The following KCNIP4 variants were observed in gnomAD, a reference collection of about 807,000 sequenced individuals.
KCNIP4 encodes the protein Kv channel-interacting protein 4.
KCNIP4 carries 12 observed loss-of-function variants against 34.0 expected under a neutral mutation model. The observed-to-expected ratio is 0.35, with a 90% CI of 0.23 to 0.57. The LOEUF is 0.57. Ranked by LOEUF, KCNIP4 falls within the 20% of genes least tolerant of loss-of-function variation. KCNIP4 has a pLI of 0.83. For synonymous variants in KCNIP4, 124 were observed against 102.2 expected (o/e 1.21, Z -1.29); for missense variants, 238 against 311.7 (o/e 0.76, Z 1.78).
At chr4:21,109,730 A>G (rs1321263715) in intron 1 of KCNIP4, among the ~76,000 whole-genome samples, 2 of 152,110 alleles carry the variant, frequency 1.3e-5, no homozygotes, top group Non-Finnish European at 2.9e-5. Context: ...AGCTGTTCCT[A>G]TTTGGCCATC....
At chr4:21,432,851 C>G (rs1380284731) in intron 1 of KCNIP4, among the ~76,000 whole-genome samples, 2 of 152,044 alleles carry the variant, frequency 1.3e-5, no homozygotes, top group Admixed American at 1.3e-4. Flanking sequence ...ATAGTTGAAC[C>G]ACAGTTATAA....
chr4:20,868,807 G>C (rs1043168901), intron 2 of KCNIP4, among the ~76,000 whole-genome samples: 72 of 152,196 alleles, frequency 4.7e-4, no homozygotes, highest in African/African-American at 1.6e-3. Flanking sequence ...AAATAAATAT[G>C]GGAACAGTAG....
At chr4:20,933,304 G>A (rs2149605055) in intron 1 of KCNIP4, among the ~76,000 whole-genome samples, 1 of 152,174 alleles carries the variant, frequency 6.6e-6, no homozygotes, top group South Asian at 2.1e-4. Flanking sequence ...TTGTACCAGT[G>A]TTTATGAAAT....
At chr4:21,405,446 A>T (rs1723901301) in intron 1 of KCNIP4, among the ~76,000 whole-genome samples, 1 of 152,182 alleles carries the variant, frequency 6.6e-6, no homozygotes, top group Non-Finnish European at 1.5e-5. Flanking sequence ...CCTCTCAAAC[A>T]CGTCAGCAGG....
At chr4:21,800,729 A>C (rs959098795) in intron 1 of KCNIP4, among the ~76,000 whole-genome samples, 1 of 152,198 alleles carries the variant, frequency 6.6e-6, no homozygotes, top group South Asian at 2.1e-4. Context: ...GGAAAATCCA[A>C]TACTACTTAC....
intron 1 of KCNIP4, among the ~76,000 whole-genome samples, chr4:21,411,242 G>A (rs1319689093): frequency 2.0e-5 from 3 of 152,132 alleles, no homozygotes; most frequent in Non-Finnish European, 4.4e-5. Context: ...GAACTTTGAT[G>A]TAATTGTCAA....
At chr4:20,988,171 C>A (rs922508331) in intron 1 of KCNIP4, among the ~76,000 whole-genome samples, 3 of 151,994 alleles carry the variant, frequency 2.0e-5, no homozygotes, top group Admixed American at 1.3e-4. Context: ...TGGGTATACT[C>A]GGTACCAGGT....
intron 3 of KCNIP4, among the ~76,000 whole-genome samples, chr4:20,778,299 C>T (rs1407265064): frequency 6.6e-6 from 1 of 152,130 alleles, no homozygotes; most frequent in African/African-American, 2.4e-5. Flanking sequence ...AGTATACTTA[C>T]CCCATAGAGT....
intron 1 of KCNIP4, among the ~76,000 whole-genome samples, chr4:21,129,138 G>A (rs1354527315): frequency 2.0e-5 from 3 of 152,170 alleles, no homozygotes; most frequent in Non-Finnish European, 4.4e-5. Flanking sequence ...AGATCTCATG[G>A]TTTTATAAAT....
chr4:21,422,421 C>T (rs1725557661), intron 1 of KCNIP4, among the ~76,000 whole-genome samples: 1 of 151,920 alleles, frequency 6.6e-6, no homozygotes, highest in Non-Finnish European at 1.5e-5. Context: ...GGCTGGTCTC[C>T]AACTCCTGAC....
At chr4:21,579,330 G>C (rs1053280951) in intron 1 of KCNIP4, among the ~76,000 whole-genome samples, 1 of 152,136 alleles carries the variant, frequency 6.6e-6, no homozygotes, top group Non-Finnish European at 1.5e-5. Context: ...TAAAACTACT[G>C]TGGGGAAAAG....
At chr4:21,569,800 AAAAG>A (rs1740222872) in intron 1 of KCNIP4, among the ~76,000 whole-genome samples, 1 of 152,074 alleles carries the variant, frequency 6.6e-6, no homozygotes, top group Non-Finnish European at 1.5e-5. Flanking sequence ...AGGGGAGAAA[AAAAG>A]AAAGAATGAA....
chr4:21,037,543 C>T (rs982027215), intron 1 of KCNIP4, among the ~76,000 whole-genome samples: 22 of 152,256 alleles, frequency 1.4e-4, no homozygotes, highest in African/African-American at 5.3e-4. Context: ...AGGCTACACC[C>T]TCTAGGTTTG....
chr4:20,744,770 TAATAAAAATATAA>T (rs1752047169), intron 5 of KCNIP4, among the ~76,000 whole-genome samples: 1 of 151,920 alleles, frequency 6.6e-6, no homozygotes, highest in South Asian at 2.1e-4. Flanking sequence ...AGAATAATAA[TAATAAAAATATAA>T]AATAAAAATA....
intron 1 of KCNIP4, chr4:21,582,179 G>C (rs183652573): frequency 4.1e-4 from 62 of 150,856 alleles, no homozygotes; most frequent in African/African-American, 1.5e-3. Flanking sequence ...ATGTGTGTGT[G>C]CTGTACTATA....
intron 1 of KCNIP4, among the ~76,000 whole-genome samples, chr4:21,645,232 C>T (rs1462855302): frequency 1.3e-5 from 2 of 152,026 alleles, no homozygotes; most frequent in Non-Finnish European, 2.9e-5. Flanking sequence ...ATTATTTCTC[C>T]TATGTTATAG....
At chr4:21,051,755 A>G (rs1344981159) in intron 1 of KCNIP4, among the ~76,000 whole-genome samples, 1 of 152,218 alleles carries the variant, frequency 6.6e-6, no homozygotes, top group African/African-American at 2.4e-5. Context: ...TGCAAAAGAT[A>G]CTTGGAAGAG....
chr4:21,478,010 C>T (rs2109825210), intron 1 of KCNIP4, among the ~76,000 whole-genome samples: 1 of 152,290 alleles, frequency 6.6e-6, no homozygotes, highest in South Asian at 2.1e-4. Flanking sequence ...CTGTTAGTGT[C>T]AACCTCTCAA....
At chr4:21,900,362 T>C (rs752906901) in intron 1 of KCNIP4, among the ~76,000 whole-genome samples, 12 of 152,184 alleles carry the variant, frequency 7.9e-5, no homozygotes, top group African/African-American at 1.7e-4. Flanking sequence ...TGGAAGCCTA[T>C]TGAAAATAAT....
Sources: allele counts gnomAD v4.1 joint callset (sites outside exome capture counted in the v4.1 genomes callset), GRCh38; gene constraint gnomAD v4.1.1; transcripts MANE v1.5; gene names NCBI Gene and HGNC (gene_info 2026-07-23, HGNC 2026-07-21).